ATRN: variants seen among roughly 807,000 people sequenced by gnomAD.
The protein encoded by ATRN is attractin.
A neutral mutation model predicts 178.7 loss-of-function variants in ATRN; 54 were observed. That is an observed-to-expected ratio of 0.30 (90% CI 0.24 to 0.38). The LOEUF is 0.38. ATRN is among the 10% of genes least tolerant of loss of function. The probability of loss-of-function intolerance (pLI) is 1.00; values close to 1 mark genes in which losing one functional copy is unlikely to be tolerated. For missense variants in ATRN, 1,443 were observed against 1,815.1 expected, an observed-to-expected ratio of 0.79 and a Z score of 3.73; for synonymous variants, 636 against 663.0, an observed-to-expected ratio of 0.96 and a Z score of 0.63.
Position 3,471,053 on chromosome 20 carries a change from C to T in ATRN, c.-55C>T, listed in dbSNP as rs890826837. On this transcript the variant is annotated 5_prime_UTR_variant, in exon 1 of 29. Coordinates refer to ENST00000262919, the MANE Select transcript of ATRN (RefSeq NM_139321.3). The stretch of plus-strand genomic sequence containing the variant: ...CCCGCACGGCCAGGCGAAGCGGAGC[C>T]GGCCGTGCGGTGTGTGTGTATGTGT... 13 of 1,450,760 alleles carry T rather than the reference C, an allele frequency of 9.0e-6. No individual in the cohort carries two copies. The highest frequency in any genetic ancestry group is 6.0e-5 in the East Asian group (2 of 33,062). 89.9% of individuals were successfully genotyped at this position (1,450,760 alleles called of 1,614,324 possible).
rs1341539394 is a variant in ATRN, at chr20:3,498,897, C to G, written c.410+27380C>G. On this transcript the variant is annotated intron_variant, in intron 1 of 28. Coordinates refer to ENST00000262919, the MANE Select transcript of ATRN (RefSeq NM_139321.3). The stretch of plus-strand genomic sequence containing the variant: ...AGGAAAAGAGGAAGTCAAATTGTCC[C>G]TGTTTGCAGATGACATGATTGTATA... Among the ~76,000 whole-genome samples, 46 of 137,146 alleles carry G rather than the reference C, an allele frequency of 3.4e-4. No individual in the cohort carries two copies. The South Asian group carries it at 8.9e-3, about 27-fold the overall frequency. The allele number at this position is 137,146 out of a possible 152,430, so 90.0% of individuals were successfully genotyped here.
chr20:3,582,266 C>A lies in ATRN; in HGVS notation c.2676C>A (p.Phe892Leu). Residue 892 changes from phenylalanine (F) to leucine (L), a missense_variant, in exon 16 of 29, where the codon TTC (phenylalanine) becomes TTA (leucine). Around this residue, in one of 4 missense-constraint regions of ATRN, gnomAD observed 212 missense variants for 330.7 expected, o/e 0.64. Transcript: ENST00000262919. ...CGTCTGAGCCCAGTGATGCTGGATT[C>A]TGTGGAATTTTATCAGAACCCAGTA... Reference protein sequence around the residue: ...WMPSEPSDAGFCGILSEPSTR... With the variant: ...WMPSEPSDAGLCGILSEPSTR... 6.2e-7 allele frequency: 1 copy of A among 1,613,486 alleles called. No individual in the cohort carries two copies. The highest frequency in any genetic ancestry group is 8.5e-7 in the Non-Finnish European group (1 of 1,180,016).
At position 3,485,610 on chromosome 20, in the gene ATRN, G is replaced by GTTTTTTTTTT. The variant is rs3084238; in HGVS notation, c.410+14113_410+14122dup. Among the ~76,000 whole-genome samples the GTTTTTTTTTT allele has an allele frequency of 2.5e-3, 171 of 67,902 alleles. 20 individuals carry two copies. The highest frequency in any genetic ancestry group is 7.8e-3 in the African/African-American group (142 of 18,114). 44.5% of individuals were successfully genotyped at this position (67,902 alleles called of 152,430 possible). ...TGGTTTGCCAATACATTTTTTTGAG[G>GTTTTTTTTTT]TTTTTTTTTTTTTTTTTTTTTTTTT... On this transcript the variant is annotated intron_variant, in intron 1 of 28. Transcript: ENST00000262919.
At chr20:3,486,903 T>C (rs1321896760) in intron 1 of ATRN, among the ~76,000 whole-genome samples, 1 of 152,198 alleles carries the variant, frequency 6.6e-6, no homozygotes, top group Non-Finnish European at 1.5e-5. Context: ...TTTGAAAGCT[T>C]CCTTTACATT....
At chr20:3,513,552 A>G (rs2085165419) in intron 1 of ATRN, among the ~76,000 whole-genome samples, 1 of 152,150 alleles carries the variant, frequency 6.6e-6, no homozygotes, top group South Asian at 2.1e-4. Context: ...TGATGCCTCC[A>G]GCTTTGTTCT....
chr20:3,593,119 A>G (rs1428640171), intron 19 of ATRN, among the ~76,000 whole-genome samples: 2 of 152,194 alleles, frequency 1.3e-5, no homozygotes, highest in Non-Finnish European at 2.9e-5. Context: ...AACCACGCCC[A>G]GTCTGTGCTG....
At chr20:3,550,361 G>A (rs2085770479) in intron 6 of ATRN, among the ~76,000 whole-genome samples, 1 of 152,170 alleles carries the variant, frequency 6.6e-6, no homozygotes, top group Admixed American at 6.5e-5. Flanking sequence ...GTGCCATGCT[G>A]TTACTGTTAC....
chr20:3,481,147 T>C (rs575928828), intron 1 of ATRN, among the ~76,000 whole-genome samples: 1 of 152,164 alleles, frequency 6.6e-6, no homozygotes, highest in Admixed American at 6.5e-5. Context: ...CTTTCTATAC[T>C]TCAAACTGCT....
rs60912949 is a variant in ATRN, at chr20:3,587,586, A to G, written c.3184+2706A>G. Among the ~76,000 whole-genome samples, 997 of 152,024 alleles carry G rather than the reference A, an allele frequency of 6.6e-3. 19 individuals are homozygous for G. Among genetic ancestry groups the G allele is most frequent in the African/African-American group, 0.021 (866 of 41,450 alleles). ...GCTCTCATTTTTGTGCAGTTGACCA[A>G]TGTTTCTCCTTTTGCCAATATTACA... On this transcript the variant is annotated intron_variant, in intron 18 of 28. Transcript: ENST00000262919.
rs2086205217 is a variant in ATRN, at chr20:3,576,020, G to A, written c.2214+72G>A. On this transcript the variant is annotated intron_variant, in intron 13 of 28. Transcript: ENST00000262919. ...TAGGTTTAGCTTTTATAGTGTATAT[G>A]GTATAAATAATGGCCCAGAGTTACT... The A allele has an allele frequency of 2.7e-6, 4 of 1,466,460 alleles. No individual in the cohort carries two copies. In the South Asian group the frequency reaches 5.9e-5, roughly 22 times the overall value. The allele number at this position is 1,466,460 out of a possible 1,614,324, so 90.8% of individuals were successfully genotyped here. A position where few individuals can be genotyped will look rare whatever the true frequency, so the allele number is the denominator to read the frequency against.
intron 2 of ATRN, among the ~76,000 whole-genome samples, chr20:3,538,255 T>C (rs2085568184): frequency 6.6e-6 from 1 of 152,164 alleles, no homozygotes; most frequent in Admixed American, 6.5e-5. Flanking sequence ...CTATGAGTGG[T>C]TCGTGGTGAA....
chr20:3,545,788 G>A lies in ATRN; in HGVS notation c.635G>A (p.Gly212Asp). The A allele has an allele frequency of 6.2e-7, 1 of 1,614,004 alleles. No homozygotes were observed. Among genetic ancestry groups the A allele is most frequent in the Non-Finnish European group, 8.5e-7 (1 of 1,179,936 alleles). ...GGCCTCATTGTTCCTGAGAGAGATG[G>A]CAATGAGACTGTCCCTGAGGTTGTT... ...FSGLIVPERD[G>D]NETVPEVVAT... The change falls in exon 4 of 29, where the codon GGC (glycine) becomes GAC (aspartate). Residue 212 changes from glycine (G) to aspartate (D), a missense_variant. Gly to Asp is a moderately conservative substitution (Grantham distance 94, BLOSUM62 -1). Around this residue, in one of 4 missense-constraint regions of ATRN, gnomAD observed 862 missense variants for 972.1 expected, o/e 0.89. Transcript: ENST00000262919.
At chr20:3,481,982 C>G (rs372310145) in intron 1 of ATRN, among the ~76,000 whole-genome samples, 13 of 151,386 alleles carry the variant, frequency 8.6e-5, no homozygotes, top group East Asian at 3.9e-4. Flanking sequence ...AAGTAACCTC[C>G]CTTGACCTGT....
At chr20:3,565,782 G>A (rs1460932751) in intron 11 of ATRN, among the ~76,000 whole-genome samples, 2 of 108,880 alleles carry the variant, frequency 1.8e-5, no homozygotes, top group Non-Finnish European at 3.4e-5. Flanking sequence ...TGGCAACAGA[G>A]CAAGACTCTG....
chr20:3,604,812 T>G (rs772493373), intron 24 of ATRN, among the ~76,000 whole-genome samples: 125 of 152,338 alleles, frequency 8.2e-4, no homozygotes, highest in Non-Finnish European at 1.4e-3. Flanking sequence ...TCTCTGTGCA[T>G]GTGACCTGAA....
chr20:3,476,873 G>A (rs2084539262), intron 1 of ATRN, among the ~76,000 whole-genome samples: 1 of 152,198 alleles, frequency 6.6e-6, no homozygotes, highest in Non-Finnish European at 1.5e-5. Context: ...AAGAAAGAAA[G>A]AAAATTCTTG....
chr20:3,565,474 A>G (rs199993657), intron 11 of ATRN, 42 bp downstream of exon 11: 5 of 1,565,258 alleles, frequency 3.2e-6, no homozygotes, highest in Non-Finnish European at 4.4e-6. Context: ...TGTGTTTAAA[A>G]TGAAAATAAA....
intron 15 of ATRN, 130 bp downstream of exon 15, chr20:3,578,902 G>A (rs1005761940): frequency 1.8e-5 from 14 of 773,760 alleles, no homozygotes; most frequent in Admixed American, 6.1e-5. Context: ...GCTGGTGAAC[G>A]CAGCCTGAGG....
rs1307722255 is a variant in ATRN at position 3,630,964 on chromosome 20, T to TTTTTTTTTTTG, written c.3864-3347_3864-3346insTTTTTTTTTTG. Among the ~76,000 whole-genome samples the TTTTTTTTTTTG allele has an allele frequency of 4.4e-4, 32 of 73,472 alleles. 5 individuals carry two copies. Among genetic ancestry groups the TTTTTTTTTTTG allele is most frequent in the Non-Finnish European group, 5.3e-4 (21 of 39,830 alleles). 48.2% of individuals were successfully genotyped at this position (73,472 alleles called of 152,430 possible). On this transcript the variant is annotated intron_variant, in intron 25 of 28. Transcript: ENST00000262919. The stretch of plus-strand genomic sequence containing the variant: ...TTTTTTTTTTTTTTTTTTTTTTTTT[T>TTTTTTTTTTTG]GGGATAGGGTCTCTGTTGCCCAGGC...
Sources: allele counts gnomAD v4.1 joint callset (sites outside exome capture counted in the v4.1 genomes callset), GRCh38; gene constraint gnomAD v4.1.1; regional missense constraint gnomAD v4.1.1; transcripts MANE v1.5; gene names NCBI Gene and HGNC (gene_info 2026-07-23, HGNC 2026-07-21).